Variants in PHKB observed in about 807,000 individuals in gnomAD.
PHKB encodes the protein phosphorylase b kinase regulatory subunit beta.
A neutral mutation model predicts 152.1 loss-of-function variants in PHKB; 122 were observed. The ratio of observed to expected loss-of-function variants is 0.80; its 90% CI spans 0.69 to 0.93. The LOEUF is 0.93. Among genes scored for constraint, PHKB ranks in the 40% least tolerant of loss-of-function variants. The pLI, the probability that PHKB is intolerant of heterozygous loss-of-function variation, is 0.00. For missense variants in PHKB, 1,304 were observed against 1,328.4 expected (o/e 0.98, Z 0.29); for synonymous variants, 436 against 464.9 (o/e 0.94, Z 0.80).
chr16:47,637,926 GC>G (rs1181551560), intron 14 of PHKB, among the ~76,000 whole-genome samples: 1 of 152,068 alleles, frequency 6.6e-6, no homozygotes, highest in Non-Finnish European at 1.5e-5. Flanking sequence ...CATAAATGGT[GC>G]CTTCTCCCTG....
At chr16:47,681,009 G>C (rs1973843312) in intron 26 of PHKB, among the ~76,000 whole-genome samples, 1 of 152,136 alleles carries the variant, frequency 6.6e-6, no homozygotes, top group African/African-American at 2.4e-5. Flanking sequence ...CTGTGTTTCT[G>C]CCTTCATTTT....
chr16:47,462,127 G>C (rs1190155388), intron 1 of PHKB: 1 of 152,228 alleles, frequency 6.6e-6, no homozygotes, highest in African/African-American at 2.4e-5. Flanking sequence ...GCAACGTCAT[G>C]ACTTGTGGCG....
intron 7 of PHKB, among the ~76,000 whole-genome samples, chr16:47,564,435 A>G (rs1971530520): frequency 6.6e-6 from 1 of 152,070 alleles, no homozygotes; most frequent in Non-Finnish European, 1.5e-5. Context: ...TACTGACATT[A>G]GTGGCATTTT....
intron 13 of PHKB, among the ~76,000 whole-genome samples, chr16:47,605,250 T>G (rs1436977344): frequency 6.6e-6 from 1 of 152,206 alleles, no homozygotes; most frequent in East Asian, 1.9e-4. Flanking sequence ...CTGGGCATCA[T>G]GTATAAGAAG....
rs1472442416 is a variant in PHKB, at chr16:47,666,160, G to C, written c.2427+1185G>C. On this transcript the variant is annotated intron_variant, in intron 25 of 30. Coordinates refer to ENST00000323584, the MANE Select transcript of PHKB (RefSeq NM_000293.3). ...TACAATCAGATTTATAAGGGCTCAG[G>C]CACTTTCTATCAAAGTCTCCTTCCC... The C allele has an allele frequency of 4.1e-6, 3 of 732,224 alleles. No homozygotes were observed. The African/African-American group carries it at 5.3e-5, about 13-fold the overall frequency. The allele number at this position is 732,224 out of a possible 1,614,324, so 45.4% of individuals were successfully genotyped here.
chr16:47,487,121 C>T (rs553428059), intron 1 of PHKB, among the ~76,000 whole-genome samples: 1 of 152,210 alleles, frequency 6.6e-6, no homozygotes, highest in South Asian at 2.1e-4. Flanking sequence ...GTGTATTTTT[C>T]TGCTAGAACC....
intron 1 of PHKB, among the ~76,000 whole-genome samples, chr16:47,473,190 T>C (rs1404058512): frequency 6.9e-6 from 1 of 145,424 alleles, no homozygotes; most frequent in Non-Finnish European, 1.5e-5. Context: ...CTGCTGGGCC[T>C]ATAGGTGTGC....
intron 26 of PHKB, among the ~76,000 whole-genome samples, chr16:47,679,375 C>T (rs1019537955): frequency 6.6e-6 from 1 of 152,170 alleles, no homozygotes; most frequent in Non-Finnish European, 1.5e-5. Context: ...TGGCCATTTT[C>T]ACGATATTGA....
chr16:47,609,603 T>C (rs1972390841), intron 13 of PHKB, among the ~76,000 whole-genome samples: 1 of 152,044 alleles, frequency 6.6e-6, no homozygotes, highest in South Asian at 2.1e-4. Flanking sequence ...TTTATGTACT[T>C]TTTACCAAGC....
intron 10 of PHKB, among the ~76,000 whole-genome samples, chr16:47,590,053 G>A (rs1056620897): frequency 6.6e-5 from 10 of 152,182 alleles, no homozygotes; most frequent in Admixed American, 6.6e-5. Context: ...GCCTCCTAAA[G>A]TGCTGGGATT....
intron 6 of PHKB, among the ~76,000 whole-genome samples, chr16:47,522,884 A>T (rs1198015041): frequency 6.6e-6 from 1 of 150,784 alleles, no homozygotes; most frequent in Non-Finnish European, 1.5e-5. Flanking sequence ...TCATTCCATG[A>T]TGGTGGGAAA....
intron 4 of PHKB, among the ~76,000 whole-genome samples, chr16:47,504,878 C>T (rs1332710910): frequency 6.6e-6 from 1 of 152,242 alleles, no homozygotes; most frequent in Non-Finnish European, 1.5e-5. Flanking sequence ...CCATCTCACC[C>T]AGGGCGGTGC....
intron 1 of PHKB, among the ~76,000 whole-genome samples, chr16:47,468,753 T>C (rs1253529705): frequency 6.6e-6 from 1 of 152,228 alleles, no homozygotes; most frequent in Non-Finnish European, 1.5e-5. Flanking sequence ...CCCTCTGACC[T>C]CCTCACAGAA....
chr16:47,680,097 C>G (rs1367517866), intron 26 of PHKB, among the ~76,000 whole-genome samples: 2 of 152,154 alleles, frequency 1.3e-5, no homozygotes. Context: ...GTTGAACCAG[C>G]CTTACATCTC....
intron 13 of PHKB, 86 bp downstream of exon 13, chr16:47,596,617 G>C: frequency 7.6e-7 from 1 of 1,312,718 alleles, no homozygotes; most frequent in Non-Finnish European, 1.1e-6. Context: ...GTTTATGTTG[G>C]ATTTGGGTGG....
At chr16:47,475,470 G>A (rs1597013732) in intron 1 of PHKB, among the ~76,000 whole-genome samples, 1 of 152,196 alleles carries the variant, frequency 6.6e-6, no homozygotes, top group East Asian at 1.9e-4. Context: ...AACATTCTAT[G>A]GCTAAATGAC....
rs547509334 is a variant in PHKB at position 47,566,498 on chromosome 16, T to C, written c.711-13797T>C. On this transcript the variant is annotated intron_variant, in intron 7 of 30. Transcript: ENST00000323584. ...CATAACCAAAACCTTTCAACTTCTC[T>C]GGATTGCTGGGTTCACGTGGTAAAA... The C allele has an allele frequency of 2.0e-5, 32 of 1,607,138 alleles. No individual in the cohort carries two copies. In the East Asian group the frequency reaches 6.7e-4, roughly 34 times the overall value.
Position 47,669,101 on chromosome 16 carries a change from C to T in PHKB, c.2428-114C>T, listed in dbSNP as rs962217998. 4 of 746,150 alleles carry T rather than the reference C, an allele frequency of 5.4e-6. No individual in the cohort carries two copies. In the Admixed American group the frequency reaches 6.4e-5, roughly 12 times the overall value. The allele number at this position is 746,150 out of a possible 1,614,324, so 46.2% of individuals were successfully genotyped here. On this transcript the variant is annotated intron_variant, in intron 25 of 30. Coordinates refer to ENST00000323584, the MANE Select transcript of PHKB (RefSeq NM_000293.3). ...CAGGAACAGTTATTCTACCTAATTC[C>T]CTAGCTTATATAGAGTAATTTCAGC... is the stretch of plus-strand genomic sequence containing the variant.
intron 6 of PHKB, among the ~76,000 whole-genome samples, chr16:47,539,408 T>C (rs575237346): frequency 7.1e-4 from 108 of 152,170 alleles, no homozygotes; most frequent in African/African-American, 2.5e-3. Flanking sequence ...TAACATTTCA[T>C]AGGGACATTT....
Sources: gnomAD v4.1 joint callset for allele counts (sites outside exome capture counted in the v4.1 genomes callset) on GRCh38, gnomAD v4.1.1 for gene constraint, MANE v1.5 for transcripts, NCBI Gene and HGNC (gene_info 2026-07-23, HGNC 2026-07-21) for gene names.